MAK: variants seen among roughly 807,000 people sequenced by gnomAD.
MAK encodes serine/threonine-protein kinase MAK.
MAK carries 65 observed loss-of-function variants against 82.6 expected under a neutral mutation model. That is an observed-to-expected ratio of 0.79 (90% CI 0.64 to 0.97). The LOEUF (loss-of-function observed/expected upper bound fraction) is 0.97. MAK is among the 50% of genes least tolerant of loss of function. The pLI, the probability that MAK is intolerant of heterozygous loss-of-function variation, is 0.00. For missense variants in MAK, 703 were observed against 780.2 expected (o/e 0.90, Z 1.18); for synonymous variants, 250 against 274.2 (o/e 0.91, Z 0.87).
chr6:10,820,085 C>G (rs1777815002), intron 2 of MAK, among the ~76,000 whole-genome samples: 1 of 151,446 alleles, frequency 6.6e-6, no homozygotes, highest in Non-Finnish European at 1.5e-5. Flanking sequence ...GCACTCCAGC[C>G]TGGGTGGCAG....
At chr6:10,775,546 G>A (rs944108740) in intron 11 of MAK, 87 bp from the exon 12 acceptor site, 2 of 1,396,302 alleles carry the variant, frequency 1.4e-6, no homozygotes, top group Admixed American at 1.7e-5. Context: ...ACAAAGACTA[G>A]AGACACCTTG....
At chr6:10,802,325 A>G in intron 7 of MAK, 3 of 394,338 alleles carry the variant, frequency 7.6e-6, no homozygotes, top group Non-Finnish European at 9.3e-6. Flanking sequence ...GTTTTTTTTG[A>G]GACAGGATCT....
intron 4 of MAK, among the ~76,000 whole-genome samples, chr6:10,816,212 A>C (rs1157981726): frequency 2.6e-5 from 4 of 151,832 alleles, no homozygotes; most frequent in Non-Finnish European, 5.9e-5. Context: ...CTAGGACTAC[A>C]GGTGTGTGCC....
At chr6:10,807,143 G>A (rs1776532746) in intron 6 of MAK, among the ~76,000 whole-genome samples, 1 of 151,668 alleles carries the variant, frequency 6.6e-6, no homozygotes, top group Admixed American at 6.6e-5. Context: ...TTCACGTGTG[G>A]CGTGCACCTG....
intron 14 of MAK, among the ~76,000 whole-genome samples, chr6:10,765,166 G>A (rs968152379): frequency 1.3e-5 from 2 of 151,918 alleles, no homozygotes; most frequent in Non-Finnish European, 2.9e-5. Flanking sequence ...TGCTGACACT[G>A]CTGCTATTTT....
chr6:10,769,969 T>G (rs1370045245), intron 14 of MAK, 142 bp downstream of exon 14: 24 of 1,491,648 alleles, frequency 1.6e-5, no homozygotes, highest in Non-Finnish European at 2.1e-5. Flanking sequence ...ATAGGACATT[T>G]CGGTAAAAAC....
chr6:10,784,612 C>G (rs1035672873), intron 10 of MAK, 40 bp from the exon 11 acceptor site: 1 of 1,297,096 alleles, frequency 7.7e-7, no homozygotes. Flanking sequence ...GCACGAACAA[C>G]GAGAGGATCT....
intron 2 of MAK, among the ~76,000 whole-genome samples, chr6:10,820,306 C>A (rs1777841788): frequency 1.3e-5 from 2 of 152,052 alleles, no homozygotes; most frequent in African/African-American, 4.8e-5. Flanking sequence ...TTACAATAAT[C>A]CTTAAGATCC....
At chr6:10,770,366 G>A in intron 13 of MAK, 136 bp from the exon 14 acceptor site, 2 of 941,578 alleles carry the variant, frequency 2.1e-6, no homozygotes, top group South Asian at 2.9e-5. Flanking sequence ...AGCTGCACTT[G>A]TTACAGATAT....
intron 2 of MAK, among the ~76,000 whole-genome samples, chr6:10,830,096 A>G (rs1375688793): frequency 6.7e-6 from 1 of 149,022 alleles, no homozygotes; most frequent in Non-Finnish European, 1.5e-5. Context: ...GATTGCAGGC[A>G]TGAGCCACCG....
At chr6:10,803,912 A>C in intron 6 of MAK, 21 bp from the exon 7 acceptor site, 2 of 1,611,280 alleles carry the variant, frequency 1.2e-6, no homozygotes, top group Non-Finnish European at 1.7e-6. Context: ...AGAGAACAAA[A>C]GAGGTAATTT....
In MAK at chr6:10,817,906, A is replaced by G. The variant is rs150892331; in HGVS notation, c.222T>C (p.His74=). The G allele has an allele frequency of 6.5e-5, 93 of 1,421,448 alleles. No individual in the cohort carries two copies. The African/African-American group carries it at 1.1e-3, about 16-fold the overall frequency. The allele number at this position is 1,421,448 out of a possible 1,614,324, so 88.1% of individuals were successfully genotyped here. ...KLKEVIREND[H]LYFIFEYMKE... ...TCATATATTCAAATATAAAATAAAG[A>G]TGGTCATTTTCTCTGATAACTTCTT... is the stretch of plus-strand genomic sequence containing the variant. The change falls in exon 4 of 15, where the codon CAT becomes CAC. Residue 74 remains histidine (H), a synonymous_variant. Coordinates refer to ENST00000354489, the MANE Select transcript of MAK (RefSeq NM_001242957.3).
rs574921496 is a variant in MAK at position 10,793,578 on chromosome 6, G to A, written c.1144-1731C>T. ...TCAGAGGTACAGAATATGCAATTTA[G>A]GAGAAGCATTTGTGAAAAAACAGGT... is the stretch of plus-strand genomic sequence containing the variant. On this transcript the variant is annotated intron_variant, in intron 9 of 14. Coordinates refer to ENST00000354489, the MANE Select transcript of MAK (RefSeq NM_001242957.3). This position sits in a 1 kb window ranked among gnomAD's most constrained non-coding sequence, Gnocchi z 4.6. Among the ~76,000 whole-genome samples, 111 of 152,252 alleles carry A rather than the reference G, an allele frequency of 7.3e-4. No homozygotes were observed. The highest frequency in any genetic ancestry group is 2.5e-3 in the African/African-American group (104 of 41,542).
intron 4 of MAK, among the ~76,000 whole-genome samples, chr6:10,814,788 G>A (rs148684078): frequency 0.06 from 8,985 of 150,328 alleles, 831 homozygotes; most frequent in African/African-American, 0.21. Flanking sequence ...GCTCATGCCT[G>A]TAATCCCAGC....
chr6:10,767,126 T>C (rs1424987983), intron 14 of MAK, among the ~76,000 whole-genome samples: 1 of 152,024 alleles, frequency 6.6e-6, no homozygotes, highest in Non-Finnish European at 1.5e-5. Context: ...AGCCTTGCAA[T>C]GCTTGCTCTG....
At chr6:10,797,509 A>T in intron 8 of MAK, 2 of 780,354 alleles carry the variant, frequency 2.6e-6, no homozygotes, top group Non-Finnish European at 3.1e-6. Context: ...GCAAAGAGTT[A>T]TCTGGTTCAC....
chr6:10,822,265 C>T (rs1248459564), intron 2 of MAK, among the ~76,000 whole-genome samples: 1 of 151,296 alleles, frequency 6.6e-6, no homozygotes, highest in Admixed American at 6.6e-5. Flanking sequence ...ACCAGTCTAA[C>T]CAACATGGAG....
chr6:10,797,124 T>TA (rs199562805), intron 8 of MAK, among the ~76,000 whole-genome samples: 59 of 149,024 alleles, frequency 4.0e-4, no homozygotes, highest in African/African-American at 1.3e-3. Context: ...CTACTAGTAA[T>TA]AAAAAAAAAA....
At chr6:10,815,494 G>A (rs528153992) in intron 4 of MAK, among the ~76,000 whole-genome samples, 2 of 152,066 alleles carry the variant, frequency 1.3e-5, no homozygotes, top group East Asian at 1.9e-4. Context: ...ATGGTGGCAC[G>A]TGCCTGCAGT....
Sources: gnomAD v4.1 joint callset for allele counts (sites outside exome capture counted in the v4.1 genomes callset) on GRCh38, gnomAD v4.1.1 for gene constraint, Gnocchi (gnomAD v3.1) non-coding constraint, MANE v1.5 for transcripts, NCBI Gene and HGNC (gene_info 2026-07-23, HGNC 2026-07-21) for gene names.